The following FOXP2 variants were observed in gnomAD, a reference collection of about 807,000 sequenced individuals.
The protein encoded by FOXP2 is forkhead box P2.
Under a neutral mutation model 115.8 loss-of-function variants are expected in FOXP2, and 12 were observed. The observed-to-expected ratio is 0.10, with a 90% CI of 0.07 to 0.17. The LOEUF (loss-of-function observed/expected upper bound fraction) is 0.17, where lower values mean the gene tolerates loss of function less well. FOXP2 is among the 10% of genes least tolerant of loss of function. FOXP2 has a pLI of 1.00. For synonymous variants in FOXP2, 328 were observed against 297.7 expected (o/e 1.10, Z -1.05); for missense variants, 629 against 843.5 (o/e 0.75, Z 3.15).
intron 2 of FOXP2, among the ~76,000 whole-genome samples, chr7:114,391,582 T>G (rs1162941279): frequency 2.0e-5 from 3 of 152,220 alleles, no homozygotes. Context: ...CCATAGTGCC[T>G]GGCTTGTTCC....
At chr7:114,385,889 T>G (rs535654623) in intron 2 of FOXP2, among the ~76,000 whole-genome samples, 151 of 152,168 alleles carry the variant, frequency 9.9e-4, no homozygotes, top group Non-Finnish European at 1.5e-3. Flanking sequence ...TGACCTGGGG[T>G]TCTTGGCCTC....
chr7:114,285,902 T>C (rs1406289742), intron 1 of FOXP2, among the ~76,000 whole-genome samples: 3 of 152,040 alleles, frequency 2.0e-5, no homozygotes, highest in African/African-American at 7.2e-5. Flanking sequence ...TATGAAATTA[T>C]CTATGGTATC....
At chr7:114,547,063 G>T (rs1316843343) in intron 3 of FOXP2, among the ~76,000 whole-genome samples, 1 of 152,156 alleles carries the variant, frequency 6.6e-6, no homozygotes, top group African/African-American at 2.4e-5. Flanking sequence ...CTTAGAAGCA[G>T]ATATGAATAT....
chr7:114,352,655 C>CT (rs1250667589), intron 2 of FOXP2, among the ~76,000 whole-genome samples: 1 of 152,096 alleles, frequency 6.6e-6, no homozygotes, highest in Non-Finnish European at 1.5e-5. Context: ...TGTGTTTTCA[C>CT]ATAATCTTTC....
chr7:114,655,634 A>G (rs1158059446), intron 10 of FOXP2, among the ~76,000 whole-genome samples: 1 of 152,178 alleles, frequency 6.6e-6, no homozygotes, highest in Non-Finnish European at 1.5e-5. Context: ...GTACAAAAGA[A>G]GCTTCAAAAT....
rs1336174788 is a variant in FOXP2, at chr7:114,102,020, T to C, written c.-247+14182T>C. Among the ~76,000 whole-genome samples the C allele has an allele frequency of 2.6e-5, 4 of 151,126 alleles. No homozygotes were observed. In the East Asian group the frequency reaches 7.9e-4, roughly 30 times the overall value. ...ATCATGATCACCAAACAGAAGATCA[T>C]CCCTTAGTTAATATTTTTTCCATAC... On this transcript the variant is annotated intron_variant, in intron 1 of 19. Transcript: ENST00000635638.
In FOXP2 at chr7:114,515,555, T is replaced by C. The variant is rs544272271; in HGVS notation, c.169-19062T>C. On this transcript the variant is annotated intron_variant, in intron 2 of 16. Transcript: ENST00000350908. Reference sequence around the variant, plus strand: ...CTGTTCATGTCCTTTGCCCACTTTTTGATGGGGTTGTTTGTTTTTTTCTTG... The same window carrying C: ...CTGTTCATGTCCTTTGCCCACTTTTCGATGGGGTTGTTTGTTTTTTTCTTG... 3.7e-4 allele frequency among the ~76,000 whole-genome samples: 57 copies of C among 152,274 alleles called. No homozygotes were observed. In the South Asian group the frequency reaches 7.1e-3, roughly 19 times the overall value.
At chr7:114,630,835 C>T (rs911281768) in intron 5 of FOXP2, among the ~76,000 whole-genome samples, 17 of 152,162 alleles carry the variant, frequency 1.1e-4, no homozygotes, top group African/African-American at 4.1e-4. Flanking sequence ...AGAAGTTTCT[C>T]TTTTCCCCAA....
chr7:114,091,587 T>C (rs1277373789), intron 1 of FOXP2, among the ~76,000 whole-genome samples: 1 of 151,866 alleles, frequency 6.6e-6, no homozygotes, highest in Non-Finnish European at 1.5e-5. Flanking sequence ...ATATCTGTGC[T>C]CTAAAAGTAC....
intron 2 of FOXP2, among the ~76,000 whole-genome samples, chr7:114,309,197 T>G (rs1205414864): frequency 6.6e-6 from 1 of 152,212 alleles, no homozygotes; most frequent in Non-Finnish European, 1.5e-5. Context: ...TAAAATACAC[T>G]GGTTTCCTAA....
intron 2 of FOXP2, among the ~76,000 whole-genome samples, chr7:114,528,572 T>G (rs1479103702): frequency 2.0e-5 from 3 of 152,050 alleles, no homozygotes; most frequent in African/African-American, 7.2e-5. Context: ...CAAATGCTAC[T>G]TCTCCTACAG....
chr7:114,420,419 T>G (rs762695845), intron 1 of FOXP2, among the ~76,000 whole-genome samples: 1 of 151,998 alleles, frequency 6.6e-6, no homozygotes, highest in Non-Finnish European at 1.5e-5. Flanking sequence ...TTTTTACTGT[T>G]AAATTCTGTT....
At chr7:114,223,790 T>G (rs966290301) in intron 1 of FOXP2, among the ~76,000 whole-genome samples, 3 of 151,482 alleles carry the variant, frequency 2.0e-5, no homozygotes, top group Non-Finnish European at 3.0e-5. Context: ...TTTACTTTCT[T>G]TAGGTGAATT....
At chr7:114,177,595 T>A (rs1055477583) in intron 1 of FOXP2, among the ~76,000 whole-genome samples, 3 of 152,084 alleles carry the variant, frequency 2.0e-5, no homozygotes, top group African/African-American at 7.2e-5. Flanking sequence ...TGTGCATCTA[T>A]TTGAGAGTTT....
chr7:114,448,236 A>G (rs1794919812), intron 2 of FOXP2, among the ~76,000 whole-genome samples: 1 of 152,180 alleles, frequency 6.6e-6, no homozygotes, highest in Admixed American at 6.5e-5. Flanking sequence ...AAGAAAATCA[A>G]AATTTGATTT....
chr7:114,468,252 C>T (rs1010069842), intron 2 of FOXP2, among the ~76,000 whole-genome samples: 2 of 152,066 alleles, frequency 1.3e-5, no homozygotes, highest in African/African-American at 4.8e-5. Context: ...TTTTTGATTT[C>T]TCAGTTACTT....
intron 2 of FOXP2, among the ~76,000 whole-genome samples, chr7:114,529,340 T>G (rs1480573256): frequency 6.6e-6 from 1 of 151,864 alleles, no homozygotes; most frequent in Non-Finnish European, 1.5e-5. Flanking sequence ...CTTGAAGAAT[T>G]TATTCTCACT....
chr7:114,691,855 AAT>A lies in FOXP2; in HGVS notation c.*1931_*1932del, dbSNP rs1808682000. On this transcript the variant is annotated 3_prime_UTR_variant, in exon 17 of 17. Transcript: ENST00000350908. Reference sequence around the variant, plus strand: ...AGATACCCAGTCATCTATCACACCAAATAAAAGGACATAACGGCTTTCAAAAG... The same window carrying A: ...AGATACCCAGTCATCTATCACACCAAAAAAGGACATAACGGCTTTCAAAAG... 1 of 453,808 alleles carries A rather than the reference AAT, an allele frequency of 2.2e-6. No homozygotes were observed. The highest frequency in any genetic ancestry group is 4.4e-6 in the Non-Finnish European group (1 of 226,608). The allele number at this position is 453,808 out of a possible 1,614,324, so 28.1% of individuals were successfully genotyped here. A position where few individuals can be genotyped will look rare whatever the true frequency, so the allele number is the denominator to read the frequency against.
At chr7:114,350,580 G>T (rs1791461318) in intron 2 of FOXP2, among the ~76,000 whole-genome samples, 1 of 151,990 alleles carries the variant, frequency 6.6e-6, no homozygotes. Context: ...CCTCACATAA[G>T]AGCCTCAGCT....
Sources: gnomAD v4.1 joint callset for allele counts (sites outside exome capture counted in the v4.1 genomes callset) on GRCh38, gnomAD v4.1.1 for gene constraint, MANE v1.5 for transcripts, NCBI Gene and HGNC (gene_info 2026-07-23, HGNC 2026-07-21) for gene names.